The following APAF1 variants were observed in gnomAD, a reference collection of about 807,000 sequenced individuals.
The protein encoded by APAF1 is apoptotic peptidase activating factor 1, also known as apoptotic protease-activating factor 1.
In APAF1, 91 loss-of-function variants were observed where a neutral mutation model predicts 152.4. That is an observed-to-expected ratio of 0.60 (90% CI 0.50 to 0.71). The LOEUF (loss-of-function observed/expected upper bound fraction) is 0.71, where lower values mean the gene tolerates loss of function less well. Ranked by LOEUF, APAF1 falls within the 30% of genes least tolerant of loss-of-function variation. The pLI is 0.00. For missense variants in APAF1, 1,283 were observed against 1,472.0 expected (o/e 0.87, Z 2.10); for synonymous variants, 484 against 494.1 (o/e 0.98, Z 0.27).
chr12:98,726,068 G>T (rs943502875), intron 25 of APAF1, among the ~76,000 whole-genome samples: 2 of 152,080 alleles, frequency 1.3e-5, no homozygotes, highest in Non-Finnish European at 1.5e-5. Flanking sequence ...GGCAGCGAAG[G>T]GCTCCTAATT....
intron 4 of APAF1, among the ~76,000 whole-genome samples, chr12:98,652,700 C>T (rs947705999): frequency 5.9e-5 from 9 of 152,018 alleles, no homozygotes; most frequent in Admixed American, 6.6e-5. Flanking sequence ...GATCTTGGCT[C>T]ACCACAATCT....
intron 4 of APAF1, among the ~76,000 whole-genome samples, chr12:98,651,417 A>G (rs923674011): frequency 1.2e-4 from 19 of 152,122 alleles, no homozygotes; most frequent in Non-Finnish European, 2.4e-4. Context: ...ATGTTATGGT[A>G]TTATTCTGTT....
chr12:98,676,312 C>T (rs760384892), intron 12 of APAF1, among the ~76,000 whole-genome samples: 3 of 151,858 alleles, frequency 2.0e-5, no homozygotes, highest in Non-Finnish European at 4.4e-5. Flanking sequence ...AGGGTTCAAG[C>T]GATTCTCATG....
intron 16 of APAF1, among the ~76,000 whole-genome samples, chr12:98,696,622 T>C (rs2097710208): frequency 6.6e-6 from 1 of 152,190 alleles, no homozygotes; most frequent in African/African-American, 2.4e-5. Flanking sequence ...CACTATTGTC[T>C]GTACTCGCCT....
At chr12:98,695,014 C>T (rs531896427) in intron 16 of APAF1, among the ~76,000 whole-genome samples, 1 of 150,426 alleles carries the variant, frequency 6.6e-6, no homozygotes, top group African/African-American at 2.4e-5. Context: ...GGTTGGGTGT[C>T]CAGAGTAAAA....
chr12:98,680,272 T>C lies in APAF1; in HGVS notation c.1921-5T>C. ...ATAAAAAATATTTTATTGTTACTTG[T>C]GCAGGTGTTCAAAGCTGAAACAGGA... On this transcript the variant is annotated splice_region_variant and splice_polypyrimidine_tract_variant and intron_variant, in intron 13 of 26. Transcript: ENST00000551964. 1 of 1,591,170 alleles carries C rather than the reference T, an allele frequency of 6.3e-7. No homozygotes were observed. Among genetic ancestry groups the C allele is most frequent in the Non-Finnish European group, 8.6e-7 (1 of 1,166,908 alleles).
chr12:98,712,586 A>T (rs895389540), intron 21 of APAF1, 151 bp downstream of exon 21: 12 of 632,196 alleles, frequency 1.9e-5, no homozygotes, highest in Non-Finnish European at 3.1e-5. Context: ...ACACGATCAC[A>T]GCCGACTGCA....
chr12:98,709,704 G>A (rs2097725782), intron 20 of APAF1, among the ~76,000 whole-genome samples: 2 of 152,278 alleles, frequency 1.3e-5, no homozygotes, highest in South Asian at 4.1e-4. Context: ...CTGACAGCAT[G>A]TCACTGTGAC....
At chr12:98,653,708 A>ATG (rs1273381578) in intron 4 of APAF1, among the ~76,000 whole-genome samples, 10 of 113,010 alleles carry the variant, frequency 8.8e-5, no homozygotes, top group Non-Finnish European at 1.8e-4. Context: ...ATATATATAT[A>ATG]TATATATATA....
chr12:98,705,660 C>G lies in APAF1; in HGVS notation c.2596-825C>G, dbSNP rs546397713. On this transcript the variant is annotated intron_variant, in intron 18 of 26. Transcript: ENST00000551964. The stretch of plus-strand genomic sequence containing the variant: ...TATTAGAGTAATTTACAGCAGAACC[C>G]AGGATAAAATACCAGGCTGCTGGTA... 3.9e-5 allele frequency among the ~76,000 whole-genome samples: 6 copies of G among 152,084 alleles called. No homozygotes were observed. In the South Asian group the frequency reaches 1.3e-3, roughly 32 times the overall value.
In APAF1 at chr12:98,732,593, C is replaced by T; in HGVS notation, c.*27C>T. The T allele has an allele frequency of 6.7e-7, 1 of 1,485,862 alleles. No individual in the cohort carries two copies. Among genetic ancestry groups the T allele is most frequent in the Non-Finnish European group, 9.2e-7 (1 of 1,081,830 alleles). The allele number at this position is 1,485,862 out of a possible 1,614,324, so 92.0% of individuals were successfully genotyped here. A position where few individuals can be genotyped will look rare whatever the true frequency, so the allele number is the denominator to read the frequency against. On this transcript the variant is annotated 3_prime_UTR_variant, in exon 27 of 27. Transcript: ENST00000551964. ...ATAGTTAAGCATTAATGTAGTTGAA[C>T]TTTTTAAATTTTTGAATTGGAAAAA...
chr12:98,673,216 C>CA (rs2097682443), intron 12 of APAF1, among the ~76,000 whole-genome samples: 2 of 151,792 alleles, frequency 1.3e-5, no homozygotes, highest in South Asian at 4.2e-4. Flanking sequence ...CATGGTGGCT[C>CA]ATGCCTGGAA....
At chr12:98,648,543 A>G (rs1252971591) in intron 2 of APAF1, 46 bp downstream of exon 2, 2 of 1,609,022 alleles carry the variant, frequency 1.2e-6, no homozygotes, top group Non-Finnish European at 1.7e-6. Context: ...AATTTTTAGA[A>G]TTTCAGAACT....
At chr12:98,702,841 C>CAAAA (rs201068873) in intron 17 of APAF1, among the ~76,000 whole-genome samples, 9 of 81,168 alleles carry the variant, frequency 1.1e-4, no homozygotes, top group East Asian at 3.6e-4. Flanking sequence ...AAGTCTGTCT[C>CAAAA]AAAAAAAAAA....
intron 16 of APAF1, among the ~76,000 whole-genome samples, chr12:98,693,841 G>T (rs2097707023): frequency 6.7e-6 from 1 of 149,678 alleles, no homozygotes; most frequent in South Asian, 2.1e-4. Context: ...TTTCAGCTTG[G>T]TGGAGAATCT....
At chr12:98,649,057 A>G in intron 3 of APAF1, 1 of 752,490 alleles carries the variant, frequency 1.3e-6, no homozygotes, top group Non-Finnish European at 2.1e-6. Context: ...ATTTTTAGAG[A>G]CAATAAGACA....
intron 4 of APAF1, among the ~76,000 whole-genome samples, chr12:98,657,215 C>A (rs2097658891): frequency 6.6e-6 from 1 of 152,200 alleles, no homozygotes; most frequent in Non-Finnish European, 1.5e-5. Context: ...TATAGACTTA[C>A]CAAGACTTCT....
intron 25 of APAF1, among the ~76,000 whole-genome samples, chr12:98,726,292 T>G (rs1439124): frequency 0.18 from 26,769 of 152,152 alleles, 2,500 homozygotes; most frequent in Non-Finnish European, 0.2. Flanking sequence ...GCTGAAAGAT[T>G]AGAAATTATG....
chr12:98,679,606 G>T (rs1210492010), intron 13 of APAF1, among the ~76,000 whole-genome samples: 3 of 152,340 alleles, frequency 2.0e-5, no homozygotes. Flanking sequence ...GAAAAGCTGC[G>T]GCCCTTCGGG....
Sources: gnomAD v4.1 joint callset for allele counts (sites outside exome capture counted in the v4.1 genomes callset) on GRCh38, gnomAD v4.1.1 for gene constraint, MANE v1.5 for transcripts, NCBI Gene and HGNC (gene_info 2026-07-23, HGNC 2026-07-21) for gene names.